TIFA: variants seen among roughly 807,000 people sequenced by gnomAD.
TIFA encodes TRAF interacting protein with forkhead associated domain.
For missense variants in TIFA, 186 were observed against 215.2 expected (o/e 0.86, Z 0.85); for synonymous variants, 75 against 79.2 (o/e 0.95, Z 0.28).
intron 1 of TIFA, among the ~76,000 whole-genome samples, chr4:112,279,890 ACTC>A (rs1232849108): frequency 6.6e-6 from 1 of 150,674 alleles, no homozygotes; most frequent in Non-Finnish European, 1.5e-5. Context: ...TGCTCTCAAA[ACTC>A]CTGAGCTCAG....
intron 1 of TIFA, among the ~76,000 whole-genome samples, chr4:112,280,316 T>C (rs9685683): frequency 0.58 from 86,348 of 148,162 alleles, 26,431 homozygotes; most frequent in African/African-American, 0.78. Flanking sequence ...GAATATTTTC[T>C]TTCCCTTTCT....
At chr4:112,285,212 A>G (rs1727299170) in intron 1 of TIFA, among the ~76,000 whole-genome samples, 1 of 152,074 alleles carries the variant, frequency 6.6e-6, no homozygotes, top group African/African-American at 2.4e-5. Context: ...CACTCCAGGG[A>G]GCCCAGGGCC....
chr4:112,279,188 T>A (rs17044353), intron 1 of TIFA, among the ~76,000 whole-genome samples: 3,979 of 152,332 alleles, frequency 0.026, 173 homozygotes, highest in East Asian at 0.16. Context: ...AAACTGTCAT[T>A]AACTACAAAT....
rs1560620449 is a variant in TIFA, at chr4:112,277,843, CCT to C, written c.*17_*18del. 1 of 1,564,162 alleles carries C rather than the reference CCT, an allele frequency of 6.4e-7. No individual in the cohort carries two copies. On this transcript the variant is annotated 3_prime_UTR_variant, in exon 2 of 2. Coordinates refer to ENST00000361717, the MANE Select transcript of TIFA (RefSeq NM_052864.3). The stretch of plus-strand genomic sequence containing the variant: ...AGAGCTCTTCATCCATCATATTTCT[CCT>C]CTTAGACTTTCTGTGTTCATGACTC...
At chr4:112,283,230 A>G (rs906176565) in intron 1 of TIFA, among the ~76,000 whole-genome samples, 1 of 152,210 alleles carries the variant, frequency 6.6e-6, no homozygotes, top group African/African-American at 2.4e-5. Context: ...AGGGGGACAT[A>G]AATGTGTGTG....
chr4:112,276,399 A>G lies in TIFA; in HGVS notation c.*1463T>C, dbSNP rs1727113238. 6.5e-6 allele frequency: 1 copy of G among 153,236 alleles called. No individual in the cohort carries two copies. Among genetic ancestry groups the G allele is most frequent in the Non-Finnish European group, 1.5e-5 (1 of 68,086 alleles). 9.5% of individuals were successfully genotyped at this position (153,236 alleles called of 1,614,324 possible). A position where few individuals can be genotyped will look rare whatever the true frequency, so the allele number is the denominator to read the frequency against. ...ATTGGGCACACCCAGATAATCCAGCATAATCTATTTTACTTCCATCTGCAG... is the reference window on the plus strand; with the variant it reads ...ATTGGGCACACCCAGATAATCCAGCGTAATCTATTTTACTTCCATCTGCAG... On this transcript the variant is annotated 3_prime_UTR_variant, in exon 2 of 2. Transcript: ENST00000361717.
Position 112,277,687 on chromosome 4 carries a change from G to GCCGT in TIFA, c.*174_*175insACGG. Reference sequence around the variant, plus strand: ...TGTGTAGATCCAGAATACAACAGGTGACTAAGTTAATGACTAACACAATTT... The same window carrying GCCGT: ...TGTGTAGATCCAGAATACAACAGGTGCCGTACTAAGTTAATGACTAACACAATTT... On this transcript the variant is annotated 3_prime_UTR_variant, in exon 2 of 2. Transcript: ENST00000361717. 2.3e-6 allele frequency: 1 copy of GCCGT among 441,780 alleles called. No homozygotes were observed. The highest frequency in any genetic ancestry group is 3.6e-6 in the Non-Finnish European group (1 of 275,058). 27.4% of individuals were successfully genotyped at this position (441,780 alleles called of 1,614,324 possible).
chr4:112,280,859 C>T (rs886554930), intron 1 of TIFA, among the ~76,000 whole-genome samples: 2 of 152,144 alleles, frequency 1.3e-5, no homozygotes, highest in Non-Finnish European at 2.9e-5. Context: ...AAGCAGGCCA[C>T]AGATGTCCAG....
In TIFA at chr4:112,276,017, T is replaced by C. The variant is rs1008381215; in HGVS notation, c.*1845A>G. 2.0e-5 allele frequency: 3 copies of C among 152,160 alleles called. No individual in the cohort carries two copies. The highest frequency in any genetic ancestry group is 1.3e-4 in the Admixed American group (2 of 15,268). The allele number at this position is 152,160 out of a possible 1,614,324, so 9.4% of individuals were successfully genotyped here. A position where few individuals can be genotyped will look rare whatever the true frequency, so the allele number is the denominator to read the frequency against. On this transcript the variant is annotated 3_prime_UTR_variant, in exon 2 of 2. Coordinates refer to ENST00000361717, the MANE Select transcript of TIFA (RefSeq NM_052864.3). ...TAGAAAGAATCAATAGTAGATAACC[T>C]TATATTAAAGGGAGTATATTAGTTT... is the stretch of plus-strand genomic sequence containing the variant.
At position 112,275,325 on chromosome 4, in the gene TIFA, T is replaced by G. The variant is rs1462306441; in HGVS notation, c.*2537A>C. The G allele has an allele frequency of 6.6e-6, 1 of 152,138 alleles. No individual in the cohort carries two copies. The highest frequency in any genetic ancestry group is 1.5e-5 in the Non-Finnish European group (1 of 68,042). 9.4% of individuals were successfully genotyped at this position (152,138 alleles called of 1,614,324 possible). On this transcript the variant is annotated 3_prime_UTR_variant, in exon 2 of 2. Coordinates refer to ENST00000361717, the MANE Select transcript of TIFA (RefSeq NM_052864.3). ...CAGGTGGCCATGGAGCCAATATGCA[T>G]TGAGGGTCAGAGCCAGAGCATTCGA...
rs1237153887 is a variant in TIFA, at chr4:112,277,059, T to C, written c.*803A>G. ...GGCCCAAGAACAGTTATTTCCCTTA[T>C]TTAGAAAAAAATTCAAAGAAAATGG... On this transcript the variant is annotated 3_prime_UTR_variant, in exon 2 of 2. Coordinates refer to ENST00000361717, the MANE Select transcript of TIFA (RefSeq NM_052864.3). 2 of 152,316 alleles carry C rather than the reference T, an allele frequency of 1.3e-5. No individual in the cohort carries two copies. Among genetic ancestry groups the C allele is most frequent in the Non-Finnish European group, 2.9e-5 (2 of 68,020 alleles). The allele number at this position is 152,316 out of a possible 1,614,324, so 9.4% of individuals were successfully genotyped here.
At chr4:112,284,901 A>T (rs1022193968) in intron 1 of TIFA, among the ~76,000 whole-genome samples, 4 of 152,074 alleles carry the variant, frequency 2.6e-5, no homozygotes, top group Non-Finnish European at 1.5e-5. Context: ...AATCAAAAAA[A>T]AAAAAAAAAA....
intron 1 of TIFA, among the ~76,000 whole-genome samples, chr4:112,283,668 C>T (rs775761267): frequency 1.3e-5 from 2 of 152,074 alleles, no homozygotes; most frequent in Non-Finnish European, 2.9e-5. Context: ...ATCTGTTAGT[C>T]GTAAGTTATC....
rs997826304 is a variant in TIFA, at chr4:112,277,236, A to C, written c.*626T>G. The C allele has an allele frequency of 6.6e-6, 1 of 152,252 alleles. No individual in the cohort carries two copies. The highest frequency in any genetic ancestry group is 1.5e-5 in the Non-Finnish European group (1 of 68,042). 9.4% of individuals were successfully genotyped at this position (152,252 alleles called of 1,614,324 possible). ...AACACAGTGGTTCTTTAAAATGTTT[A>C]AATATTTGTCTTAGATGCTGAATAT... On this transcript the variant is annotated 3_prime_UTR_variant, in exon 2 of 2. Coordinates refer to ENST00000361717, the MANE Select transcript of TIFA (RefSeq NM_052864.3).
In TIFA at chr4:112,276,060, C is replaced by A. The variant is rs368282183; in HGVS notation, c.*1802G>T. 3.9e-5 allele frequency: 6 copies of A among 152,186 alleles called. No homozygotes were observed. Among genetic ancestry groups the A allele is most frequent in the African/African-American group, 1.4e-4 (6 of 41,430 alleles). 9.4% of individuals were successfully genotyped at this position (152,186 alleles called of 1,614,324 possible). A position where few individuals can be genotyped will look rare whatever the true frequency, so the allele number is the denominator to read the frequency against. On this transcript the variant is annotated 3_prime_UTR_variant, in exon 2 of 2. Transcript: ENST00000361717. ...ATTAGTTTTCTATCTGCTGCTATAA[C>A]AAATTACTGTGATTTAGTGGCTTAC... is the stretch of plus-strand genomic sequence containing the variant.
At chr4:112,283,442 A>C (rs1727262061) in intron 1 of TIFA, among the ~76,000 whole-genome samples, 1 of 152,196 alleles carries the variant, frequency 6.6e-6, no homozygotes, top group Non-Finnish European at 1.5e-5. Context: ...TTTGGAGACC[A>C]TGTTGATCTC....
chr4:112,284,882 A>T (rs149530864), intron 1 of TIFA, among the ~76,000 whole-genome samples: 1 of 116,840 alleles, frequency 8.6e-6, no homozygotes, highest in African/African-American at 3.3e-5. Flanking sequence ...AGGTCTTGCA[A>T]AAACAAAGAA....
At chr4:112,282,660 G>A (rs769453570) in intron 1 of TIFA, among the ~76,000 whole-genome samples, 1 of 152,150 alleles carries the variant, frequency 6.6e-6, no homozygotes, top group African/African-American at 2.4e-5. Flanking sequence ...CCTCCAGGGG[G>A]TGGCCTCTGA....
chr4:112,276,666 C>G lies in TIFA; in HGVS notation c.*1196G>C. On this transcript the variant is annotated 3_prime_UTR_variant, in exon 2 of 2. Transcript: ENST00000361717. ...GGGTGCTGGACATCACATACTACTG[C>G]CCAGGAATAGACTGACAGTCTGAAT... The G allele has an allele frequency of 6.6e-6, 1 of 152,158 alleles. No homozygotes were observed. The highest frequency in any genetic ancestry group is 1.9e-4 in the East Asian group (1 of 5,204). The allele number at this position is 152,158 out of a possible 1,614,324, so 9.4% of individuals were successfully genotyped here. A position where few individuals can be genotyped will look rare whatever the true frequency, so the allele number is the denominator to read the frequency against.
Sources: gnomAD v4.1 joint callset for allele counts (sites outside exome capture counted in the v4.1 genomes callset) on GRCh38, gnomAD v4.1.1 for gene constraint, MANE v1.5 for transcripts, NCBI Gene and HGNC (gene_info 2026-07-23, HGNC 2026-07-21) for gene names.